The following DLG2 variants were observed in gnomAD, a reference collection of about 807,000 sequenced individuals.
DLG2 encodes the protein discs large MAGUK scaffold protein 2.
In DLG2, 45 loss-of-function variants were observed where a neutral mutation model predicts 132.5. That is an observed-to-expected ratio of 0.34 (90% confidence interval 0.27 to 0.44). The LOEUF is 0.44. Ranked by LOEUF, DLG2 falls within the 20% of genes least tolerant of loss-of-function variation. DLG2 has a pLI of 1.00. For missense variants in DLG2, 1,045 were observed against 1,196.9 expected, an observed-to-expected ratio of 0.87 and a Z score of 1.87; for synonymous variants, 424 against 419.6, an observed-to-expected ratio of 1.01 and a Z score of -0.13.
At chr11:85,193,466 T>G (rs1328076505) in intron 4 of DLG2, among the ~76,000 whole-genome samples, 2 of 152,254 alleles carry the variant, frequency 1.3e-5, no homozygotes, top group Admixed American at 6.5e-5. Flanking sequence ...TTTAACATTT[T>G]AAGGGAATAG....
chr11:85,273,176 C>T (rs532807143), intron 4 of DLG2, among the ~76,000 whole-genome samples: 14 of 152,226 alleles, frequency 9.2e-5, no homozygotes, highest in African/African-American at 2.9e-4. Context: ...GGCAATACCA[C>T]TCAGGACACA....
At position 83,930,471 on chromosome 11, in the gene DLG2, A is replaced by C. The variant is rs1223978510; in HGVS notation, c.1353T>G (p.Pro451=). The C allele has an allele frequency of 6.2e-7, 1 of 1,613,672 alleles. No homozygotes were observed. The highest frequency in any genetic ancestry group is 1.3e-5 in the African/African-American group (1 of 74,932). The change falls in exon 15 of 28, where the codon CCT becomes CCG. Residue 451 remains proline (P), a synonymous_variant. Transcript: ENST00000376104. Reference sequence around the variant, plus strand: ...ATAGTTTGTTCACAGTGCTGTAAACAGGTTCCGGAGGCCTGGTGATACAAG... The same window carrying C: ...ATAGTTTGTTCACAGTGCTGTAAACCGGTTCCGGAGGCCTGGTGATACAAG... The part of the protein sequence containing the change: ...VDDDYTRPPE[P]VYSTVNKLCD...
chr11:84,006,471 T>G (rs1229407643), intron 11 of DLG2, among the ~76,000 whole-genome samples: 4 of 151,680 alleles, frequency 2.6e-5, no homozygotes. Context: ...GAATAAGTAT[T>G]TAAGTATTTA....
chr11:83,677,180 A>T (rs550426111), intron 18 of DLG2, among the ~76,000 whole-genome samples: 37 of 152,296 alleles, frequency 2.4e-4, no homozygotes, highest in East Asian at 1.3e-3. Context: ...TCAAATGATA[A>T]ATAAAACATA....
intron 18 of DLG2, among the ~76,000 whole-genome samples, chr11:83,707,510 A>C (rs1164049785): frequency 6.6e-6 from 1 of 152,120 alleles, no homozygotes; most frequent in Non-Finnish European, 1.5e-5. Context: ...TCTTTATTAA[A>C]AATACAAAAA....
chr11:85,228,326 T>C (rs1595542946), intron 4 of DLG2, among the ~76,000 whole-genome samples: 3 of 152,170 alleles, frequency 2.0e-5, no homozygotes, highest in Middle Eastern at 3.4e-3. Context: ...GGATGCCAGA[T>C]AGCAAAGGGG....
chr11:83,777,448 C>G (rs1177494544), intron 18 of DLG2, among the ~76,000 whole-genome samples: 1 of 152,140 alleles, frequency 6.6e-6, no homozygotes, highest in East Asian at 1.9e-4. Context: ...AAGACATCTC[C>G]ACTATTTCAG....
At position 85,527,377 on chromosome 11, in the gene DLG2, T is replaced by C. The variant is rs1565637864; in HGVS notation, c.40+71280A>G. 2.6e-5 allele frequency among the ~76,000 whole-genome samples: 4 copies of C among 151,988 alleles called. No individual in the cohort carries two copies. The South Asian group carries it at 8.3e-4, about 32-fold the overall frequency. On this transcript the variant is annotated intron_variant, in intron 3 of 27. Coordinates refer to ENST00000376104, the MANE Select transcript of DLG2 (RefSeq NM_001142699.3). ...CCACCCCTCAACAGGCTCTGGTGTG[T>C]GATGTCCCCTTCCCTGTGTCCACAT...
chr11:85,252,263 T>G (rs1016295808), intron 4 of DLG2, among the ~76,000 whole-genome samples: 4 of 152,226 alleles, frequency 2.6e-5, no homozygotes, highest in African/African-American at 9.6e-5. Context: ...AGGGATCTTT[T>G]GTGAATGCAC....
At chr11:85,128,198 T>C (rs959359559) in intron 5 of DLG2, among the ~76,000 whole-genome samples, 3 of 152,146 alleles carry the variant, frequency 2.0e-5, no homozygotes, top group African/African-American at 4.8e-5. Flanking sequence ...ACTTAACATA[T>C]TGCAGTTTTA....
chr11:84,306,743 C>T (rs1410015325), intron 7 of DLG2, among the ~76,000 whole-genome samples: 1 of 152,158 alleles, frequency 6.6e-6, no homozygotes, highest in Non-Finnish European at 1.5e-5. Flanking sequence ...CCCCTAAATC[C>T]CAGTATCACT....
intron 7 of DLG2, among the ~76,000 whole-genome samples, chr11:84,347,419 AT>A (rs1197409128): frequency 6.6e-6 from 1 of 152,122 alleles, no homozygotes; most frequent in Non-Finnish European, 1.5e-5. Flanking sequence ...GCCCATTGAT[AT>A]TTGGTTTACC....
At chr11:84,150,362 T>G (rs1383765592) in intron 9 of DLG2, among the ~76,000 whole-genome samples, 1 of 152,206 alleles carries the variant, frequency 6.6e-6, no homozygotes, top group Non-Finnish European at 1.5e-5. Flanking sequence ...GTTATTTGGC[T>G]CTCAGCTTGA....
chr11:84,525,365 T>G (rs2099317156), intron 7 of DLG2, among the ~76,000 whole-genome samples: 1 of 152,196 alleles, frequency 6.6e-6, no homozygotes, highest in South Asian at 2.1e-4. Flanking sequence ...GCATTCTTGG[T>G]TTCATTTCAT....
At chr11:84,782,405 TAC>T (rs1372633860) in intron 6 of DLG2, among the ~76,000 whole-genome samples, 2 of 150,918 alleles carry the variant, frequency 1.3e-5, no homozygotes, top group Non-Finnish European at 3.0e-5. Context: ...CCCACCTACA[TAC>T]ACACATTCTC....
intron 14 of DLG2, 54 bp downstream of exon 14, chr11:83,962,831 T>C (rs2089192304): frequency 1.3e-6 from 2 of 1,595,902 alleles, no homozygotes; most frequent in Non-Finnish European, 1.7e-6. Flanking sequence ...TAGGCAAATG[T>C]GATTTCTTTC....
rs1314709231 is a variant in DLG2, at chr11:84,622,269, A to G, written c.358-87538T>C. Among the ~76,000 whole-genome samples the G allele has an allele frequency of 2.0e-5, 3 of 152,298 alleles. No homozygotes were observed. The East Asian group carries it at 5.8e-4, about 30-fold the overall frequency. ...CTGAATAACTTTTTTCCTCATAACT[A>G]TCAGAGATAAATTGGTATACTTCCA... On this transcript the variant is annotated intron_variant, in intron 6 of 27. Transcript: ENST00000376104.
chr11:84,706,251 T>C (rs560123761), intron 6 of DLG2, among the ~76,000 whole-genome samples: 3 of 151,958 alleles, frequency 2.0e-5, no homozygotes, highest in African/African-American at 7.2e-5. Context: ...AGAATATTTA[T>C]ATGCAATGAT....
chr11:85,242,406 C>T (rs2075930800), intron 4 of DLG2, among the ~76,000 whole-genome samples: 1 of 151,702 alleles, frequency 6.6e-6, no homozygotes, highest in Admixed American at 6.6e-5. Context: ...ATTTTGTACC[C>T]ATTACTCTTA....
Sources: allele counts gnomAD v4.1 joint callset (sites outside exome capture counted in the v4.1 genomes callset), GRCh38; gene constraint gnomAD v4.1.1; transcripts MANE v1.5; gene names NCBI Gene and HGNC (gene_info 2026-07-23, HGNC 2026-07-21).